The following SYNE2 variants were observed in gnomAD, a reference collection of about 807,000 sequenced individuals.
SYNE2 encodes the protein nesprin-2.
A neutral mutation model predicts 856.3 loss-of-function variants in SYNE2; 431 were observed. The ratio of observed to expected loss-of-function variants is 0.50; its 90% CI spans 0.47 to 0.55. SYNE2 has a LOEUF of 0.55. SYNE2 is among the 20% of genes least tolerant of loss of function. SYNE2 has a pLI of 0.00. For synonymous variants in SYNE2, 2,923 were observed against 2,872.3 expected (o/e 1.02, Z -0.56); for missense variants, 8,129 against 8,023.2 (o/e 1.01, Z -0.50).
chr14:64,156,807 A>T (rs912538756), intron 85 of SYNE2, among the ~76,000 whole-genome samples: 6 of 152,132 alleles, frequency 3.9e-5, no homozygotes, highest in African/African-American at 1.4e-4. Flanking sequence ...TTCCTTAGCC[A>T]TCCTGCCCTT....
chr14:64,163,849 C>A (rs905283131), intron 89 of SYNE2, among the ~76,000 whole-genome samples: 2 of 152,148 alleles, frequency 1.3e-5, no homozygotes, highest in African/African-American at 2.4e-5. Flanking sequence ...ATTTGGATTT[C>A]TGAGTCAAGT....
At chr14:64,092,969 G>A (rs79921659) in intron 60 of SYNE2, among the ~76,000 whole-genome samples, 53 of 104,992 alleles carry the variant, frequency 5.0e-4, no homozygotes, top group African/African-American at 2.6e-3. Flanking sequence ...CGCTCCCCCG[G>A]CCATGGAATA....
intron 1 of SYNE2, among the ~76,000 whole-genome samples, chr14:63,797,395 A>AAAT (rs1035477157): frequency 3.3e-5 from 5 of 152,100 alleles, no homozygotes; most frequent in Non-Finnish European, 7.4e-5. Context: ...AGTCTCAAAA[A>AAAT]AATAATAATA....
chr14:64,199,530 C>T (rs1029258107), intron 99 of SYNE2, among the ~76,000 whole-genome samples: 19 of 152,020 alleles, frequency 1.2e-4, no homozygotes, highest in African/African-American at 3.9e-4. Context: ...CCAGCCTGGC[C>T]AACATGGGGA....
intron 1 of SYNE2, among the ~76,000 whole-genome samples, chr14:63,843,390 G>A (rs1002617803): frequency 5.9e-5 from 9 of 152,102 alleles, no homozygotes; most frequent in Non-Finnish European, 1.2e-4. Flanking sequence ...ATTCCTTAAT[G>A]TTTAAGATGA....
chr14:63,993,595 T>G (rs997676862), intron 21 of SYNE2, among the ~76,000 whole-genome samples: 1 of 152,194 alleles, frequency 6.6e-6, no homozygotes, highest in African/African-American at 2.4e-5. Context: ...GGGCCTTATG[T>G]GTAACTACAT....
Position 63,872,879 on chromosome 14 carries a change from A to G in SYNE2, c.-52+19736A>G, listed in dbSNP as rs367614086. ...AACTGTGAGATTCATCCGTCTTGGT[A>G]TATATGTAACTCTGATTCATTGATT... On this transcript the variant is annotated intron_variant, in intron 1 of 115. Transcript: ENST00000555002. Among the ~76,000 whole-genome samples the G allele has an allele frequency of 3.8e-4, 57 of 151,802 alleles. No homozygotes were observed. The East Asian group carries it at 0.011, about 28-fold the overall frequency.
chr14:64,209,401 T>C (rs777887636), intron 101 of SYNE2, 27 bp from the exon 102 acceptor site: 9 of 1,614,114 alleles, frequency 5.6e-6, no homozygotes, highest in South Asian at 1.1e-5. Context: ...GGGGATGGCT[T>C]GTGTTAAGTT....
At chr14:63,960,984 G>T (rs1039124962) in intron 8 of SYNE2, 3 of 520,350 alleles carry the variant, frequency 5.8e-6, no homozygotes, top group African/African-American at 5.7e-5. Flanking sequence ...GCAACACAAA[G>T]CCTGGCCTGT....
chr14:64,032,543 C>T (rs1456606963), intron 45 of SYNE2, among the ~76,000 whole-genome samples: 3 of 151,694 alleles, frequency 2.0e-5, no homozygotes, highest in Non-Finnish European at 4.4e-5. Context: ...CCCTCGGCGA[C>T]AGAGTGAGAC....
chr14:63,764,674 C>A (rs1886609883), intron 1 of SYNE2, among the ~76,000 whole-genome samples: 1 of 150,736 alleles, frequency 6.6e-6, no homozygotes, highest in African/African-American at 2.4e-5. Flanking sequence ...ATCAACCTGT[C>A]ATCTAGGTTT....
At position 64,024,917 on chromosome 14, in the gene SYNE2, A is replaced by G. The variant is rs1173313606; in HGVS notation, c.5846A>G (p.Gln1949Arg). The G allele has an allele frequency of 1.9e-6, 3 of 1,613,946 alleles. No homozygotes were observed. Among genetic ancestry groups the G allele is most frequent in the Non-Finnish European group, 1.7e-6 (2 of 1,179,890 alleles). ...EDSLQQLLRL[Q>R]DDHRNLRKWL... ...CATGTGTAATGCTCTTTTAGACTCC[A>G]GGATGACCATAGAAACCTGAGGAAG... Residue 1949 changes from glutamine (Q) to arginine (R), a missense_variant, in exon 40 of 116, where the codon CAG (glutamine) becomes CGG (arginine). Coordinates refer to ENST00000555002, the MANE Select transcript of SYNE2 (RefSeq NM_182914.3).
intron 77 of SYNE2, 26 bp downstream of exon 77, chr14:64,132,464 C>G (rs1271369350): frequency 6.2e-7 from 1 of 1,613,978 alleles, no homozygotes. Flanking sequence ...AAACGTTGTA[C>G]TGAAGCTGGG....
intron 25 of SYNE2, 88 bp from the exon 26 acceptor site, chr14:63,998,131 T>G: frequency 1.1e-6 from 1 of 947,194 alleles, no homozygotes; most frequent in Non-Finnish European, 1.7e-6. Context: ...AAAGAATCAA[T>G]GATACATTTT....
At chr14:64,197,913 A>AATT (rs1437667550) in intron 99 of SYNE2, among the ~76,000 whole-genome samples, 3 of 152,204 alleles carry the variant, frequency 2.0e-5, no homozygotes, top group Non-Finnish European at 4.4e-5. Flanking sequence ...TTTTACCCAT[A>AATT]ATCACTGCAA....
At chr14:63,845,396 A>G (rs1382011891) in intron 1 of SYNE2, among the ~76,000 whole-genome samples, 1 of 151,734 alleles carries the variant, frequency 6.6e-6, no homozygotes, top group Non-Finnish European at 1.5e-5. Context: ...AGCCTGGGTG[A>G]CAACAGCAAA....
At chr14:63,902,130 G>A (rs951057961) in intron 1 of SYNE2, among the ~76,000 whole-genome samples, 1 of 151,990 alleles carries the variant, frequency 6.6e-6, no homozygotes, top group African/African-American at 2.4e-5. Flanking sequence ...TTCATTTAAG[G>A]TCAGGCGTGG....
In SYNE2 at chr14:64,209,028, T is replaced by C. The variant is rs1294245729; in HGVS notation, c.18389+83T>C. On this transcript the variant is annotated intron_variant, in intron 101 of 115. Coordinates refer to ENST00000555002, the MANE Select transcript of SYNE2 (RefSeq NM_182914.3). ...TTCTGACCTCATTCACAGTAACTATTCTGTTCATTTCACTTAGAAATGCGC... is the reference window on the plus strand; with the variant it reads ...TTCTGACCTCATTCACAGTAACTATCCTGTTCATTTCACTTAGAAATGCGC... The C allele has an allele frequency of 2.0e-6, 3 of 1,498,106 alleles. No homozygotes were observed. In the African/African-American group the frequency reaches 4.1e-5, roughly 21 times the overall value. The allele number at this position is 1,498,106 out of a possible 1,614,324, so 92.8% of individuals were successfully genotyped here.
intron 2 of SYNE2, among the ~76,000 whole-genome samples, chr14:63,920,024 G>A (rs543948737): frequency 7.6e-5 from 9 of 118,370 alleles, no homozygotes; most frequent in African/African-American, 1.6e-4. Context: ...TTCTTGTTAC[G>A]CTTTTCTTAG....
Sources: allele counts gnomAD v4.1 joint callset (sites outside exome capture counted in the v4.1 genomes callset), GRCh38; gene constraint gnomAD v4.1.1; transcripts MANE v1.5; gene names NCBI Gene and HGNC (gene_info 2026-07-23, HGNC 2026-07-21).